Variants in WWOX observed in about 807,000 individuals in gnomAD.
WWOX encodes the protein WW domain containing oxidoreductase, also known as WW domain-containing oxidoreductase.
A neutral mutation model predicts 46.2 loss-of-function variants in WWOX; 69 were observed. The ratio of observed to expected loss-of-function variants is 1.49; its 90% CI spans 1.23 to 1.82. The LOEUF (loss-of-function observed/expected upper bound fraction) is 1.82. Among genes scored for constraint, WWOX ranks in the 40% most tolerant of loss-of-function variants. WWOX has a pLI of 0.00. For synonymous variants in WWOX, 359 were observed against 202.6 expected (o/e 1.77, Z -6.56); for missense variants, 919 against 542.6 (o/e 1.69, Z -6.89).
At chr16:78,373,284 T>G (rs1268951864) in intron 5 of WWOX, among the ~76,000 whole-genome samples, 1 of 152,190 alleles carries the variant, frequency 6.6e-6, no homozygotes, top group Non-Finnish European at 1.5e-5. Context: ...TCCACATGGG[T>G]GTCTCTGATT....
intron 8 of WWOX, among the ~76,000 whole-genome samples, chr16:78,679,137 G>T (rs910132048): frequency 1.3e-5 from 2 of 152,196 alleles, no homozygotes; most frequent in African/African-American, 4.8e-5. Flanking sequence ...CCTAGGGATG[G>T]ATTCAGGGAG....
At chr16:78,255,349 T>G (rs2038099136) in intron 5 of WWOX, among the ~76,000 whole-genome samples, 1 of 152,110 alleles carries the variant, frequency 6.6e-6, no homozygotes, top group Non-Finnish European at 1.5e-5. Context: ...TGAATAAACC[T>G]AAAGGATTTA....
At chr16:78,121,415 C>T (rs994881607) in intron 4 of WWOX, among the ~76,000 whole-genome samples, 5 of 152,026 alleles carry the variant, frequency 3.3e-5, no homozygotes, top group African/African-American at 1.2e-4. Context: ...GAATTAGTAC[C>T]TTATGACTTA....
At chr16:78,865,577 C>G (rs1393537888) in intron 8 of WWOX, among the ~76,000 whole-genome samples, 1 of 151,994 alleles carries the variant, frequency 6.6e-6, no homozygotes, top group African/African-American at 2.4e-5. Flanking sequence ...AGGTAAAGTG[C>G]AAGGAATTGT....
chr16:78,667,444 G>A (rs2047357627), intron 8 of WWOX, among the ~76,000 whole-genome samples: 1 of 152,100 alleles, frequency 6.6e-6, no homozygotes, highest in African/African-American at 2.4e-5. Flanking sequence ...GCCGAGGCGG[G>A]TGGATCACAA....
intron 8 of WWOX, among the ~76,000 whole-genome samples, chr16:78,972,412 A>G (rs535044604): frequency 6.6e-6 from 1 of 151,840 alleles, no homozygotes; most frequent in South Asian, 2.1e-4. Flanking sequence ...TATCTATAAT[A>G]TTTTACAAAT....
At chr16:78,827,329 G>A (rs1031503200) in intron 8 of WWOX, among the ~76,000 whole-genome samples, 1 of 152,124 alleles carries the variant, frequency 6.6e-6, no homozygotes, top group African/African-American at 2.4e-5. Flanking sequence ...GGGGAAGCAC[G>A]ATGATCTTGA....
chr16:79,008,308 C>T (rs542611179), intron 8 of WWOX, among the ~76,000 whole-genome samples: 3 of 152,272 alleles, frequency 2.0e-5, no homozygotes, highest in African/African-American at 7.2e-5. Flanking sequence ...CAGTGAGGGC[C>T]CAGCCCCTTT....
chr16:79,108,994 A>G (rs2049363879), intron 8 of WWOX, among the ~76,000 whole-genome samples: 1 of 151,490 alleles, frequency 6.6e-6, no homozygotes, highest in Non-Finnish European at 1.5e-5. Context: ...TCTTCTCCCC[A>G]TCAGCCTGGC....
chr16:78,932,932 C>G (rs778474566), intron 8 of WWOX, among the ~76,000 whole-genome samples: 1 of 152,184 alleles, frequency 6.6e-6, no homozygotes, highest in Non-Finnish European at 1.5e-5. Flanking sequence ...CCAGGTTGAA[C>G]CTTGCTGCCT....
At chr16:78,755,794 C>A (rs1005202917) in intron 8 of WWOX, among the ~76,000 whole-genome samples, 2 of 152,174 alleles carry the variant, frequency 1.3e-5, no homozygotes, top group African/African-American at 4.8e-5. Context: ...ATACCTGGTT[C>A]CACTCTCACT....
intron 8 of WWOX, among the ~76,000 whole-genome samples, chr16:78,818,336 C>T (rs1285624452): frequency 6.6e-6 from 1 of 152,226 alleles, no homozygotes; most frequent in East Asian, 1.9e-4. Flanking sequence ...CCCTCTCCAG[C>T]ACACACAGCC....
intron 8 of WWOX, among the ~76,000 whole-genome samples, chr16:78,757,468 A>G (rs1183919933): frequency 6.6e-6 from 1 of 152,152 alleles, no homozygotes. Context: ...TTGCCTGACA[A>G]ATACCATCTA....
chr16:78,535,696 TTACAA>T (rs904535809), intron 8 of WWOX: 4 of 152,252 alleles, frequency 2.6e-5, no homozygotes, highest in African/African-American at 9.6e-5. Context: ...GTCTTCTTTG[TTACAA>T]TGTATGTTGT....
rs898886429 is a variant in WWOX at position 78,467,673 on chromosome 16, G to T, written c.1056+34921G>T. ...TTTCATTAGAGTAGAAAGAGATAAA[G>T]CTTTGCTTAATTAATGTCTGTTTTC... On this transcript the variant is annotated intron_variant, in intron 8 of 8. Transcript: ENST00000566780. 4.6e-5 allele frequency among the ~76,000 whole-genome samples: 7 copies of T among 152,168 alleles called. No homozygotes were observed. The South Asian group carries it at 6.2e-4, about 13-fold the overall frequency.
intron 8 of WWOX, among the ~76,000 whole-genome samples, chr16:78,949,135 G>T (rs777593879): frequency 6.6e-6 from 1 of 152,074 alleles, no homozygotes; most frequent in Non-Finnish European, 1.5e-5. Context: ...GCTGAATTCT[G>T]CCAATAACCT....
chr16:78,567,924 G>A (rs1341911686), intron 8 of WWOX, among the ~76,000 whole-genome samples: 1 of 152,116 alleles, frequency 6.6e-6, no homozygotes, highest in African/African-American at 2.4e-5. Context: ...GTTTTCCAGT[G>A]GCTCACCGGG....
At chr16:78,976,545 C>T (rs374923930) in intron 8 of WWOX, among the ~76,000 whole-genome samples, 6 of 152,302 alleles carry the variant, frequency 3.9e-5, no homozygotes, top group Admixed American at 1.3e-4. Flanking sequence ...ACTTTGCCAT[C>T]ATAGCTTGAT....
At chr16:79,090,280 CGTGTGTGT>C (rs61538157) in intron 8 of WWOX, among the ~76,000 whole-genome samples, 172 of 138,374 alleles carry the variant, frequency 1.2e-3, no homozygotes, top group African/African-American at 3.7e-3. Flanking sequence ...CTACTGTGTG[CGTGTGTGT>C]GTGTGTGTGT....
Sources: gnomAD v4.1 joint callset for allele counts (sites outside exome capture counted in the v4.1 genomes callset) on GRCh38, gnomAD v4.1.1 for gene constraint, MANE v1.5 for transcripts, NCBI Gene and HGNC (gene_info 2026-07-23, HGNC 2026-07-21) for gene names.